ARPC1A: variants seen among roughly 807,000 people sequenced by gnomAD.
The protein encoded by ARPC1A is actin related protein 2/3 complex subunit 1A, also known as actin-related protein 2/3 complex subunit 1A.
ARPC1A carries 8 observed loss-of-function variants against 46.9 expected under a neutral mutation model. The observed-to-expected ratio is 0.17, with a 90% confidence interval of 0.10 to 0.31. The LOEUF (loss-of-function observed/expected upper bound fraction) is 0.31, where lower values mean the gene tolerates loss of function less well. Among genes scored for constraint, ARPC1A ranks in the 10% least tolerant of loss-of-function variants. The pLI, the probability that ARPC1A is intolerant of heterozygous loss-of-function variation, is 1.00. For synonymous variants in ARPC1A, 152 were observed against 169.0 expected, an observed-to-expected ratio of 0.90 and a Z score of 0.78; for missense variants, 286 against 483.6, an observed-to-expected ratio of 0.59 and a Z score of 3.83.
At chr7:99,336,072 C>T (rs182594782) in intron 2 of ARPC1A, among the ~76,000 whole-genome samples, 1 of 152,184 alleles carries the variant, frequency 6.6e-6, no homozygotes, top group Non-Finnish European at 1.5e-5. Context: ...GCCAACTTTC[C>T]TATATCTTCT....
chr7:99,362,336 C>CTTT (rs771655890), intron 8 of ARPC1A, among the ~76,000 whole-genome samples: 2 of 129,612 alleles, frequency 1.5e-5, no homozygotes, highest in Non-Finnish European at 3.2e-5. Flanking sequence ...CCCCGCCCCC[C>CTTT]TTTTTTTTTT....
Position 99,354,265 on chromosome 7 carries a change from G to C in ARPC1A, c.713+144G>C, listed in dbSNP as rs546069498. 98 of 937,660 alleles carry C rather than the reference G, an allele frequency of 1.0e-4. No individual in the cohort carries two copies. In the African/African-American group the frequency reaches 1.6e-3, roughly 15 times the overall value. 58.1% of individuals were successfully genotyped at this position (937,660 alleles called of 1,614,324 possible). The stretch of plus-strand genomic sequence containing the variant: ...AGGCCAGGCGTGGTGGCTCACGCCT[G>C]TAATCCCAGCACTTTGGGAGGCCGA... On this transcript the variant is annotated intron_variant, in intron 6 of 9. Coordinates refer to ENST00000262942, the MANE Select transcript of ARPC1A (RefSeq NM_006409.4).
intron 4 of ARPC1A, among the ~76,000 whole-genome samples, chr7:99,344,920 CTTTTTT>C (rs1172071932): frequency 3.0e-4 from 6 of 20,100 alleles, no homozygotes; most frequent in African/African-American, 1.3e-3. Context: ...TAACAATGTT[CTTTTTT>C]TTTTTTTTTT....
At chr7:99,337,710 A>AT (rs530546027) in intron 2 of ARPC1A, among the ~76,000 whole-genome samples, 1 of 152,050 alleles carries the variant, frequency 6.6e-6, no homozygotes, top group Non-Finnish European at 1.5e-5. Context: ...AGCAGAATCA[A>AT]TTTTTTTAAT....
Position 99,354,128 on chromosome 7 carries a change from AT to A in ARPC1A, c.713+10del. ...ATGCCTCAAAAAGTGTGCAGTGAGT[AT>A]TTGCCTTTCATTTGGAAGGTGGGGA... On this transcript the variant is annotated splice_region_variant and intron_variant, in intron 6 of 9. Coordinates refer to ENST00000262942, the MANE Select transcript of ARPC1A (RefSeq NM_006409.4). The A allele has an allele frequency of 6.2e-7, 1 of 1,609,256 alleles. No individual in the cohort carries two copies. Among genetic ancestry groups the A allele is most frequent in the Non-Finnish European group, 8.5e-7 (1 of 1,176,016 alleles).
At chr7:99,347,767 T>G (rs1474329564) in intron 4 of ARPC1A, among the ~76,000 whole-genome samples, 1 of 149,370 alleles carries the variant, frequency 6.7e-6, no homozygotes, top group Non-Finnish European at 1.5e-5. Context: ...AGGTGGAGGT[T>G]GCGGTGAGCT....
chr7:99,339,138 G>T (rs1793316055), intron 3 of ARPC1A, among the ~76,000 whole-genome samples: 2 of 152,144 alleles, frequency 1.3e-5, no homozygotes, highest in Admixed American at 1.3e-4. Context: ...TATTCTTGAT[G>T]ATGGTAAAGT....
rs1365295123 is a variant in ARPC1A, at chr7:99,359,591, G to T, written c.836G>T (p.Cys279Phe). The T allele has an allele frequency of 1.9e-6, 3 of 1,614,156 alleles. No individual in the cohort carries two copies. The highest frequency in any genetic ancestry group is 1.7e-6 in the Non-Finnish European group (2 of 1,180,026). ...CTCTTTAACTACGATGACCGCGGCTGCCTGACCTTCGTCTCCAAGTTAGAT... is the reference window on the plus strand; with the variant it reads ...CTCTTTAACTACGATGACCGCGGCTTCCTGACCTTCGTCTCCAAGTTAGAT... ...PMLFNYDDRGCLTFVSKLDIP... is the reference protein window; with the variant it reads ...PMLFNYDDRGFLTFVSKLDIP... The change falls in exon 8 of 10, where the codon TGC (cysteine) becomes TTC (phenylalanine). Residue 279 changes from cysteine (C) to phenylalanine (F), a missense_variant. Coordinates refer to ENST00000262942, the MANE Select transcript of ARPC1A (RefSeq NM_006409.4).
chr7:99,350,631 CTTTTTTTTTTTTT>C (rs540737612), intron 5 of ARPC1A, among the ~76,000 whole-genome samples: 4 of 67,536 alleles, frequency 5.9e-5, no homozygotes, highest in African/African-American at 1.0e-4. Context: ...ATGAGGTGCA[CTTTTTTTTTTTTT>C]TTTTTTTTTT....
intron 5 of ARPC1A, 107 bp from the exon 6 acceptor site, chr7:99,353,802 G>A (rs1793586588): frequency 1.8e-6 from 2 of 1,124,062 alleles, no homozygotes; most frequent in South Asian, 1.5e-5. Flanking sequence ...TTTTTAATGA[G>A]TCAACCTCTT....
chr7:99,334,126 C>T (rs925372028), intron 2 of ARPC1A, among the ~76,000 whole-genome samples: 9 of 151,264 alleles, frequency 5.9e-5, no homozygotes, highest in East Asian at 1.9e-4. Flanking sequence ...TTTGGGAGAC[C>T]GAGGCGGGCA....
intron 1 of ARPC1A, among the ~76,000 whole-genome samples, chr7:99,332,435 C>A (rs544815330): frequency 3.2e-4 from 49 of 152,218 alleles, no homozygotes; most frequent in African/African-American, 1.1e-3. Flanking sequence ...GTAAAGGCAT[C>A]TTTTTCTCTT....
chr7:99,359,085 C>G (rs1793692859), intron 7 of ARPC1A, among the ~76,000 whole-genome samples: 1 of 150,584 alleles, frequency 6.6e-6, no homozygotes, highest in African/African-American at 2.4e-5. Context: ...CCCACCTTGG[C>G]CTCCTAAAGT....
At chr7:99,344,163 G>A in intron 3 of ARPC1A, 130 bp from the exon 4 acceptor site, 1 of 759,476 alleles carries the variant, frequency 1.3e-6, no homozygotes, top group Non-Finnish European at 2.2e-6. Flanking sequence ...ATAGATAGTG[G>A]GAAGGATGTG....
chr7:99,339,934 C>G, intron 3 of ARPC1A: 1 of 455,156 alleles, frequency 2.2e-6, no homozygotes, highest in Non-Finnish European at 4.4e-6. Flanking sequence ...TATGAGAGTG[C>G]TCATTTTCCC....
At chr7:99,329,096 C>T (rs1170223451) in intron 1 of ARPC1A, among the ~76,000 whole-genome samples, 2 of 151,902 alleles carry the variant, frequency 1.3e-5, no homozygotes, top group African/African-American at 2.4e-5. Flanking sequence ...GTCAGGATAT[C>T]GAGACCATCC....
At chr7:99,329,085 G>A (rs1793100827) in intron 1 of ARPC1A, among the ~76,000 whole-genome samples, 1 of 152,094 alleles carries the variant, frequency 6.6e-6, no homozygotes, top group Non-Finnish European at 1.5e-5. Context: ...CGGATCACGA[G>A]GTCAGGATAT....
chr7:99,335,627 G>A (rs12705058), intron 2 of ARPC1A: 75,134 of 296,022 alleles, frequency 0.25, 10,890 homozygotes, highest in Non-Finnish European at 0.32. Flanking sequence ...TTTTGACAGA[G>A]ATTACTTTGA....
At chr7:99,365,724 G>C (rs1238041435) in intron 9 of ARPC1A, among the ~76,000 whole-genome samples, 167 bp from the exon 10 acceptor site, 1 of 152,184 alleles carries the variant, frequency 6.6e-6, no homozygotes, top group Admixed American at 6.5e-5. Flanking sequence ...CCCCGGCCTG[G>C]AGTGTCTCTG....
Sources: gnomAD v4.1 joint callset for allele counts (sites outside exome capture counted in the v4.1 genomes callset) on GRCh38, gnomAD v4.1.1 for gene constraint, MANE v1.5 for transcripts, NCBI Gene and HGNC (gene_info 2026-07-23, HGNC 2026-07-21) for gene names.